GRM5: variants seen among roughly 807,000 people sequenced by gnomAD.
GRM5 encodes the protein glutamate metabotropic receptor 5.
A neutral mutation model predicts 83.1 loss-of-function variants in GRM5; 19 were observed. The ratio of observed to expected loss-of-function variants is 0.23; its 90% CI spans 0.16 to 0.34. The LOEUF is 0.34. Among genes scored for constraint, GRM5 ranks in the 10% least tolerant of loss-of-function variants. GRM5 has a pLI of 1.00. For missense variants in GRM5, 1,160 were observed against 1,588.3 expected, an observed-to-expected ratio of 0.73 and a Z score of 4.58; for synonymous variants, 675 against 633.6, an observed-to-expected ratio of 1.07 and a Z score of -0.98.
intron 5 of GRM5, among the ~76,000 whole-genome samples, chr11:88,600,464 A>T (rs1255498264): frequency 4.0e-5 from 6 of 151,282 alleles, no homozygotes; most frequent in East Asian, 1.9e-4. Context: ...TTACTCTCTA[A>T]CTCCTCATGT....
At chr11:88,850,585 T>C (rs1226560387) in intron 2 of GRM5, among the ~76,000 whole-genome samples, 1 of 150,854 alleles carries the variant, frequency 6.6e-6, no homozygotes, top group Non-Finnish European at 1.5e-5. Context: ...ATACATGTAG[T>C]TTATATAGTA....
intron 3 of GRM5, among the ~76,000 whole-genome samples, chr11:88,787,005 G>A (rs375586781): frequency 1.3e-4 from 20 of 152,212 alleles, no homozygotes; most frequent in African/African-American, 4.1e-4. Context: ...GAAGATGGCT[G>A]TTAGGTGGAA....
chr11:88,828,171 A>G (rs558319990), intron 3 of GRM5, among the ~76,000 whole-genome samples: 6 of 152,336 alleles, frequency 3.9e-5, no homozygotes, highest in Non-Finnish European at 8.8e-5. Flanking sequence ...GCAACAGGAC[A>G]TGGATGAGAA....
chr11:88,890,751 G>T (rs569720990), intron 2 of GRM5, among the ~76,000 whole-genome samples: 1 of 152,166 alleles, frequency 6.6e-6, no homozygotes, highest in African/African-American at 2.4e-5. Context: ...GATCTTATAT[G>T]CATTTCTGCC....
intron 1 of GRM5, among the ~76,000 whole-genome samples, chr11:89,060,738 G>T (rs2034839917): frequency 6.6e-6 from 1 of 152,042 alleles, no homozygotes; most frequent in Admixed American, 6.6e-5. Context: ...GCAAACCTAT[G>T]CCTTAATGTT....
chr11:88,898,958 G>A (rs1210801676), intron 2 of GRM5, among the ~76,000 whole-genome samples: 1 of 151,906 alleles, frequency 6.6e-6, no homozygotes, highest in East Asian at 1.9e-4. Context: ...CTTTATACCT[G>A]AATTTCTCTT....
At chr11:88,813,276 G>C (rs958740847) in intron 3 of GRM5, among the ~76,000 whole-genome samples, 6 of 152,092 alleles carry the variant, frequency 3.9e-5, no homozygotes, top group Non-Finnish European at 8.8e-5. Flanking sequence ...TTGCAGGTAG[G>C]GGGTACTAAA....
chr11:88,623,846 T>C (rs959932285), intron 4 of GRM5, among the ~76,000 whole-genome samples: 4 of 152,208 alleles, frequency 2.6e-5, no homozygotes, highest in African/African-American at 9.7e-5. Context: ...TTCTAGCTAC[T>C]AGTACATCCA....
chr11:88,950,058 T>C (rs1938408183), intron 2 of GRM5, among the ~76,000 whole-genome samples: 3 of 149,974 alleles, frequency 2.0e-5, no homozygotes, highest in African/African-American at 7.3e-5. Context: ...TGTATTTTAG[T>C]AGAGGTGGGG....
intron 2 of GRM5, among the ~76,000 whole-genome samples, chr11:88,921,232 A>G (rs781188419): frequency 1.3e-5 from 2 of 152,224 alleles, no homozygotes; most frequent in Admixed American, 6.5e-5. Context: ...GATACATCAT[A>G]TCAACAGAAT....
At chr11:88,796,913 T>C (rs2135481193) in intron 3 of GRM5, among the ~76,000 whole-genome samples, 1 of 137,438 alleles carries the variant, frequency 7.3e-6, no homozygotes, top group South Asian at 2.2e-4. Context: ...TGTGTGTGTG[T>C]GTGTGTGTGT....
chr11:88,794,708 A>G lies in GRM5; in HGVS notation c.911+55198T>C, dbSNP rs190123755. ...TATTAAATAGCTTCAAACCTGAGCA[A>G]TAAAGAAGATGATGATGAACGAGTG... On this transcript the variant is annotated intron_variant, in intron 3 of 9. Transcript: ENST00000305447. Among the ~76,000 whole-genome samples, 4 of 152,312 alleles carry G rather than the reference A, an allele frequency of 2.6e-5. No individual in the cohort carries two copies. In the East Asian group the frequency reaches 7.7e-4, roughly 29 times the overall value.
chr11:88,664,259 A>C (rs1434970568), intron 3 of GRM5, among the ~76,000 whole-genome samples: 2 of 151,944 alleles, frequency 1.3e-5, no homozygotes, highest in Non-Finnish European at 2.9e-5. Flanking sequence ...GCTAAATATT[A>C]TATATACAGT....
At chr11:88,891,976 G>A (rs531158441) in intron 2 of GRM5, among the ~76,000 whole-genome samples, 5 of 152,126 alleles carry the variant, frequency 3.3e-5, no homozygotes, top group African/African-American at 1.2e-4. Flanking sequence ...GTTTTTCAGA[G>A]TCAAGGAAAC....
At chr11:89,030,725 G>A (rs971275926) in intron 2 of GRM5, among the ~76,000 whole-genome samples, 1 of 151,982 alleles carries the variant, frequency 6.6e-6, no homozygotes, top group Non-Finnish European at 1.5e-5. Context: ...GTATAAAATT[G>A]AGAATCTTAG....
intron 2 of GRM5, among the ~76,000 whole-genome samples, chr11:88,982,784 T>C (rs1390465497): frequency 6.6e-6 from 1 of 152,210 alleles, no homozygotes; most frequent in Non-Finnish European, 1.5e-5. Context: ...ATATAGAAGT[T>C]GGCCGGGTGC....
At chr11:88,756,166 C>T (rs574657365) in intron 3 of GRM5, among the ~76,000 whole-genome samples, 61 of 152,182 alleles carry the variant, frequency 4.0e-4, no homozygotes, top group Admixed American at 9.2e-4. Flanking sequence ...GACTGTGTTT[C>T]GTGTTATTCC....
At chr11:88,870,307 C>A (rs1363303342) in intron 2 of GRM5, among the ~76,000 whole-genome samples, 1 of 151,420 alleles carries the variant, frequency 6.6e-6, no homozygotes, top group African/African-American at 2.4e-5. Context: ...TAGTTTATGT[C>A]TCAAGCATGA....
chr11:88,612,233 C>T (rs11020646), intron 4 of GRM5, among the ~76,000 whole-genome samples: 44,318 of 141,782 alleles, frequency 0.31, 8,176 homozygotes, highest in African/African-American at 0.52. Flanking sequence ...TTTTTTGTTC[C>T]TGCGATAGTT....
Sources: gnomAD v4.1 joint callset for allele counts (sites outside exome capture counted in the v4.1 genomes callset) on GRCh38, gnomAD v4.1.1 for gene constraint, MANE v1.5 for transcripts, NCBI Gene and HGNC (gene_info 2026-07-23, HGNC 2026-07-21) for gene names.